DSG3: variants seen among roughly 807,000 people sequenced by gnomAD.
The protein encoded by DSG3 is desmoglein 3, also known as desmoglein-3.
In DSG3, 63 loss-of-function variants were observed where a neutral mutation model predicts 85.9. The observed-to-expected ratio is 0.73, with a 90% CI of 0.60 to 0.90. The LOEUF (loss-of-function observed/expected upper bound fraction) is 0.90. Ranked by LOEUF, DSG3 falls within the 40% of genes least tolerant of loss-of-function variation. DSG3 has a pLI of 0.00. For missense variants in DSG3, 1,220 were observed against 1,219.9 expected, an observed-to-expected ratio of 1.00 and a Z score of 0.00; for synonymous variants, 447 against 441.9, an observed-to-expected ratio of 1.01 and a Z score of -0.14.
At chr18:31,450,451 G>T (rs960662785) in intron 1 of DSG3, among the ~76,000 whole-genome samples, 1 of 152,204 alleles carries the variant, frequency 6.6e-6, no homozygotes, top group Non-Finnish European at 1.5e-5. Context: ...TACAAGTGGG[G>T]AGCCACCCAG....
chr18:31,461,750 A>C (rs2072787854), intron 8 of DSG3, among the ~76,000 whole-genome samples: 1 of 152,158 alleles, frequency 6.6e-6, no homozygotes, highest in South Asian at 2.1e-4. Flanking sequence ...ACTTAATCTC[A>C]TTTGCAACAA....
chr18:31,454,314 G>T (rs36032521), intron 1 of DSG3, among the ~76,000 whole-genome samples: 28,827 of 152,172 alleles, frequency 0.19, 3,594 homozygotes, highest in East Asian at 0.46. Context: ...GAAAGGAATT[G>T]TGCAGTTACT....
chr18:31,464,020 A>G, intron 8 of DSG3, 91 bp from the exon 9 acceptor site: 1 of 1,195,742 alleles, frequency 8.4e-7, no homozygotes. Flanking sequence ...GAATTCATTC[A>G]CAGCATCTTG....
At chr18:31,462,456 C>G (rs1051910703) in intron 8 of DSG3, among the ~76,000 whole-genome samples, 1 of 152,160 alleles carries the variant, frequency 6.6e-6, no homozygotes, top group Non-Finnish European at 1.5e-5. Flanking sequence ...AATCCTTTAA[C>G]AAGGGGGCTG....
intron 6 of DSG3, among the ~76,000 whole-genome samples, 159 bp from the exon 7 acceptor site, chr18:31,460,674 C>T (rs1300589797): frequency 1.3e-5 from 2 of 152,128 alleles, no homozygotes; most frequent in Non-Finnish European, 2.9e-5. Flanking sequence ...GAAAACCTGC[C>T]CTAGCCCCTT....
intron 6 of DSG3, 80 bp downstream of exon 6, chr18:31,460,091 C>T (rs1384332996): frequency 7.0e-7 from 1 of 1,436,116 alleles, no homozygotes; most frequent in African/African-American, 1.4e-5. Flanking sequence ...CTCCATTTTA[C>T]CCGAAAATTA....
intron 8 of DSG3, among the ~76,000 whole-genome samples, chr18:31,463,433 C>G (rs1395179282): frequency 6.6e-6 from 1 of 152,172 alleles, no homozygotes. Flanking sequence ...TATCTCATCA[C>G]TCTCAGAAAA....
intron 12 of DSG3, among the ~76,000 whole-genome samples, chr18:31,469,690 T>A (rs1302849312): frequency 6.6e-6 from 1 of 152,160 alleles, no homozygotes; most frequent in African/African-American, 2.4e-5. Flanking sequence ...CTTTCTAAGA[T>A]GTTTTCTCTA....
Position 31,464,329 on chromosome 18 carries a change from G to A in DSG3, c.1218G>A (p.Leu406=). 1 of 1,614,068 alleles carries A rather than the reference G, an allele frequency of 6.2e-7. No individual in the cohort carries two copies. Among genetic ancestry groups the A allele is most frequent in the Non-Finnish European group, 8.5e-7 (1 of 1,179,988 alleles). The part of the protein sequence containing the change: ...ISSKKLVDYI[L]GTYQAIDEDT... ...GCAAAAAATTGGTGGATTATATCCT[G>A]GGAACATATCAAGCCATCGATGAGG... The change falls in exon 9 of 16, where the codon CTG becomes CTA. Residue 406 remains leucine, a synonymous_variant. Transcript: ENST00000257189.
chr18:31,474,428 G>T, intron 15 of DSG3, 24 bp downstream of exon 15: 4 of 1,581,928 alleles, frequency 2.5e-6, no homozygotes, highest in Non-Finnish European at 3.4e-6. Context: ...AAACTTTGTG[G>T]CTTGATTATC....
In DSG3 at chr18:31,475,673, G is replaced by A. The variant is rs201790264; in HGVS notation, c.2413G>A (p.Asp805Asn). ...QKAFACAEED[D>N]GQEANDCLLI... ...AGCATTTGCCTGTGCGGAGGAAGACGATGGCCAGGAAGCAAATGACTGCTT... is the reference window on the plus strand; with the variant it reads ...AGCATTTGCCTGTGCGGAGGAAGACAATGGCCAGGAAGCAAATGACTGCTT... The change falls in exon 16 of 16, where the codon GAT becomes AAT. Residue 805 changes from aspartate to asparagine, a missense_variant. By Grantham distance (23) the Asp-to-Asn change is conservative. Transcript: ENST00000257189. The A allele has an allele frequency of 1.1e-4, 172 of 1,614,086 alleles. No homozygotes were observed. The highest frequency in any genetic ancestry group is 6.7e-4 in the African/African-American group (50 of 75,026).
chr18:31,454,039 T>A (rs1034035528), intron 1 of DSG3, among the ~76,000 whole-genome samples: 12 of 152,130 alleles, frequency 7.9e-5, no homozygotes, highest in African/African-American at 9.7e-5. Flanking sequence ...ATAATTTTTT[T>A]AAAAAAATAC....
At chr18:31,473,765 C>T (rs1432721647) in intron 14 of DSG3, among the ~76,000 whole-genome samples, 3 of 152,178 alleles carry the variant, frequency 2.0e-5, no homozygotes, top group Admixed American at 1.3e-4. Context: ...GCTCATAGGA[C>T]TGCTTAACTA....
At chr18:31,458,626 C>A in intron 4 of DSG3, 26 bp downstream of exon 4, 2 of 1,601,418 alleles carry the variant, frequency 1.2e-6, no homozygotes, top group South Asian at 1.1e-5. Context: ...CAACATTGGG[C>A]TACCCTTCTC....
rs557552872 is a variant in DSG3 at position 31,476,385 on chromosome 18, T to G, written c.*125T>G. On this transcript the variant is annotated 3_prime_UTR_variant, in exon 16 of 16. Coordinates refer to ENST00000257189, the MANE Select transcript of DSG3 (RefSeq NM_001944.3). ...GCACTTATTAGCTTCTCTCATAAAC[T>G]GATCACGATTATAAATTAAATGTTT... 9.0e-7 allele frequency: 1 copy of G among 1,111,136 alleles called. No individual in the cohort carries two copies. 68.8% of individuals were successfully genotyped at this position (1,111,136 alleles called of 1,614,324 possible). A position where few individuals can be genotyped will look rare whatever the true frequency, so the allele number is the denominator to read the frequency against.
chr18:31,475,627 C>T lies in DSG3; in HGVS notation c.2386-19C>T, dbSNP rs1442258062. ...CTCTTTCTTAAAATTCATTTTTTCC[C>T]ACTTTTTCTCTGTCTTAGAAAGCAT... On this transcript the variant is annotated intron_variant, in intron 15 of 15. Coordinates refer to ENST00000257189, the MANE Select transcript of DSG3 (RefSeq NM_001944.3). 5 of 1,596,080 alleles carry T rather than the reference C, an allele frequency of 3.1e-6. No homozygotes were observed. In the East Asian group the frequency reaches 6.7e-5, roughly 21 times the overall value.
rs1161916068 is a variant in DSG3 at position 31,475,896 on chromosome 18, A to G, written c.2636A>G (p.Tyr879Cys). ...CAGCCACCCTCTAAAGACAGCGGTT[A>G]TGGGATTGAATCCTGTGGCCATCCC... is the stretch of plus-strand genomic sequence containing the variant. ...EVQPPSKDSGYGIESCGHPIE... is the reference protein window; with the variant it reads ...EVQPPSKDSGCGIESCGHPIE... The change falls in exon 16 of 16, where the codon TAT becomes TGT. Residue 879 changes from tyrosine (Y) to cysteine (C), a missense_variant. Physicochemically the swap from Tyr to Cys is radical, Grantham distance 194 (BLOSUM62 -2). Transcript: ENST00000257189. The G allele has an allele frequency of 6.2e-7, 1 of 1,614,076 alleles. No individual in the cohort carries two copies. The highest frequency in any genetic ancestry group is 8.5e-7 in the Non-Finnish European group (1 of 1,180,038).
At chr18:31,466,480 TACAAC>T (rs1159556264) in intron 10 of DSG3, 45 bp from the exon 11 acceptor site, 4 of 1,529,578 alleles carry the variant, frequency 2.6e-6, no homozygotes, top group Admixed American at 3.4e-5. Context: ...TCCTTTTTTG[TACAAC>T]TTTGTTCTAT....
chr18:31,457,082 C>A lies in DSG3; in HGVS notation c.174C>A (p.Cys58Ter). 6.2e-7 allele frequency: 1 copy of A among 1,612,638 alleles called. No individual in the cohort carries two copies. Among genetic ancestry groups the A allele is most frequent in the Non-Finnish European group, 8.5e-7 (1 of 1,179,370 alleles). The change falls in exon 3 of 16, where the codon TGC (cysteine) becomes TGA (stop). Residue 58 changes from cysteine (C) to a stop codon, truncating the protein, a stop_gained. Coordinates refer to ENST00000257189, the MANE Select transcript of DSG3 (RefSeq NM_001944.3). LOFTEE classifies it high-confidence loss of function. ...AATGGGTGAAATTTGCCAAACCCTG[C>A]AGAGAAGGAGAAGATAACTCAAAAA... The part of the protein sequence containing the change: ...KREWVKFAKP[C>*]REGEDNSKRN...
Sources: gnomAD v4.1 joint callset for allele counts (sites outside exome capture counted in the v4.1 genomes callset) on GRCh38, gnomAD v4.1.1 for gene constraint, MANE v1.5 for transcripts, NCBI Gene and HGNC (gene_info 2026-07-23, HGNC 2026-07-21) for gene names.